The following CYP3A4 variants were observed in gnomAD, a reference collection of about 807,000 sequenced individuals.
CYP3A4 encodes the protein cytochrome P450 3A4.
Under a neutral mutation model 54.9 loss-of-function variants are expected in CYP3A4, and 41 were observed. The ratio of observed to expected loss-of-function variants is 0.75; its 90% CI spans 0.58 to 0.97. The LOEUF is 0.97. Among genes scored for constraint, CYP3A4 ranks in the 50% least tolerant of loss-of-function variants. The pLI, the probability that CYP3A4 is intolerant of heterozygous loss-of-function variation, is 0.00. For synonymous variants in CYP3A4, 179 were observed against 205.2 expected (o/e 0.87, Z 1.09); for missense variants, 510 against 597.3 (o/e 0.85, Z 1.52).
intron 12 of CYP3A4, 95 bp from the exon 13 acceptor site, chr7:99,758,323 G>T: frequency 1.5e-6 from 2 of 1,372,828 alleles, no homozygotes; most frequent in Non-Finnish European, 1.0e-6. Flanking sequence ...CAGTGTTGAG[G>T]GGACACAACA....
At chr7:99,780,176 A>T (rs1815883299) in intron 1 of CYP3A4, 91 bp from the exon 2 acceptor site, 15 of 1,307,260 alleles carry the variant, frequency 1.1e-5, no homozygotes, top group Admixed American at 1.1e-4. Context: ...TGGAATGCTC[A>T]AGAGAACGAG....
Position 99,762,369 on chromosome 7 carries a change from T to C in CYP3A4, c.1027-102A>G. 3 of 1,419,304 alleles carry C rather than the reference T, an allele frequency of 2.1e-6. No homozygotes were observed. The South Asian group carries it at 3.8e-5, about 18-fold the overall frequency. 87.9% of individuals were successfully genotyped at this position (1,419,304 alleles called of 1,614,324 possible). ...AGTATTAGGAGCTCCAGAGACTAAC[T>C]CATACTGGTAAAGGATCGAAGCATT... On this transcript the variant is annotated intron_variant, in intron 10 of 12. Transcript: ENST00000651514.
At chr7:99,774,150 T>G (rs1433253018) in intron 3 of CYP3A4, among the ~76,000 whole-genome samples, 1 of 152,028 alleles carries the variant, frequency 6.6e-6, no homozygotes, top group Non-Finnish European at 1.5e-5. Context: ...CAGGAAGAAG[T>G]TGAATCTCTG....
At chr7:99,778,214 C>A in intron 2 of CYP3A4, 134 bp from the exon 3 acceptor site, 1 of 658,152 alleles carries the variant, frequency 1.5e-6, no homozygotes, top group Non-Finnish European at 2.6e-6. Context: ...TTGGAGACGT[C>A]ATAAAGGAAA....
At chr7:99,767,103 T>G (rs1260942893) in intron 8 of CYP3A4, 28 bp downstream of exon 8, 2 of 1,598,702 alleles carry the variant, frequency 1.3e-6, no homozygotes, top group Non-Finnish European at 1.7e-6. Context: ...AAACTAAACA[T>G]CCTCCTATAA....
At chr7:99,776,790 A>G (rs1438366719) in intron 3 of CYP3A4, among the ~76,000 whole-genome samples, 7 of 152,224 alleles carry the variant, frequency 4.6e-5, no homozygotes. Context: ...GTGTATACCT[A>G]TGTAACAAAA....
chr7:99,763,690 C>T (rs1429235438), intron 10 of CYP3A4, among the ~76,000 whole-genome samples, 165 bp downstream of exon 10: 1 of 152,204 alleles, frequency 6.6e-6, no homozygotes, highest in Non-Finnish European at 1.5e-5. Context: ...CCAGTAGCAA[C>T]CATTTGCTAT....
At chr7:99,772,497 G>A in intron 4 of CYP3A4, 93 bp downstream of exon 4, 1 of 1,532,528 alleles carries the variant, frequency 6.5e-7, no homozygotes, top group South Asian at 1.2e-5. Flanking sequence ...AACCTTCCTG[G>A]ACATTTTTTA....
intron 3 of CYP3A4, among the ~76,000 whole-genome samples, chr7:99,776,944 C>A (rs1322356770): frequency 6.6e-6 from 1 of 152,076 alleles, no homozygotes. Flanking sequence ...AAGGTATAGA[C>A]AAAGAAATGC....
At chr7:99,765,466 A>ATAGATGATAG (rs1815452474) in intron 9 of CYP3A4, among the ~76,000 whole-genome samples, 1 of 145,862 alleles carries the variant, frequency 6.9e-6, no homozygotes, top group Non-Finnish European at 1.5e-5. Context: ...TGATAGATGG[A>ATAGATGATAG]TAGATGATAG....
intron 4 of CYP3A4, 94 bp downstream of exon 4, chr7:99,772,496 G>A (rs1315431413): frequency 3.3e-6 from 5 of 1,523,474 alleles, no homozygotes; most frequent in Non-Finnish European, 4.5e-6. Context: ...GAACCTTCCT[G>A]GACATTTTTT....
chr7:99,760,750 T>TA (rs1815298078), intron 12 of CYP3A4, 69 bp downstream of exon 12: 2 of 1,558,722 alleles, frequency 1.3e-6, no homozygotes, highest in African/African-American at 1.4e-5. Flanking sequence ...ATATTCTTTT[T>TA]AAAAAATACA....
intron 9 of CYP3A4, among the ~76,000 whole-genome samples, chr7:99,764,490 C>T (rs1022179451): frequency 6.6e-6 from 1 of 152,178 alleles, no homozygotes; most frequent in African/African-American, 2.4e-5. Flanking sequence ...AATCAAAGGA[C>T]GTTTCCCGAA....
At position 99,758,145 on chromosome 7, in the gene CYP3A4, T is replaced by C. The variant is rs1352540305; in HGVS notation, c.1500A>G (p.Val500=). The change falls in exon 13 of 13, where the codon GTA becomes GTG. Residue 500 remains valine (V), a synonymous_variant. Transcript: ENST00000651514. The part of the protein sequence containing the change: ...VLKVESRDGT[V]SGA Reference sequence around the variant, plus strand: ...TCCTTAGGAAAATTCAGGCTCCACTTACGGTGCCATCCCTTGACTCAACCT... The same window carrying C: ...TCCTTAGGAAAATTCAGGCTCCACTCACGGTGCCATCCCTTGACTCAACCT... 1.2e-6 allele frequency: 2 copies of C among 1,613,952 alleles called. No homozygotes were observed. Among genetic ancestry groups the C allele is most frequent in the Admixed American group, 1.7e-5 (1 of 60,024 alleles).
rs576779576 is a variant in CYP3A4 at position 99,776,863 on chromosome 7, A to G, written c.218+1165T>C. ...TAATTTAAAAAACTAAAAATAAAAA[A>G]TAAAATAAAATCACAGTCCATCAGC... On this transcript the variant is annotated intron_variant, in intron 3 of 12. Coordinates refer to ENST00000651514, the MANE Select transcript of CYP3A4 (RefSeq NM_017460.6). Among the ~76,000 whole-genome samples the G allele has an allele frequency of 1.3e-4, 20 of 152,218 alleles. No homozygotes were observed. In the East Asian group the frequency reaches 3.5e-3, roughly 26 times the overall value.
rs1179210238 is a variant in CYP3A4 at position 99,757,550 on chromosome 7, T to C, written c.*583A>G. ...GTGGATTAACTTTCACCTATGTTAA[T>C]AATCAAATTCTAGTTCTGACAAAGG... On this transcript the variant is annotated 3_prime_UTR_variant, in exon 13 of 13. Coordinates refer to ENST00000651514, the MANE Select transcript of CYP3A4 (RefSeq NM_017460.6). 2 of 153,200 alleles carry C rather than the reference T, an allele frequency of 1.3e-5. No homozygotes were observed. Among genetic ancestry groups the C allele is most frequent in the African/African-American group, 2.4e-5 (1 of 41,480 alleles). The allele number at this position is 153,200 out of a possible 1,614,324, so 9.5% of individuals were successfully genotyped here. A position where few individuals can be genotyped will look rare whatever the true frequency, so the allele number is the denominator to read the frequency against.
chr7:99,766,572 G>T, intron 8 of CYP3A4, 129 bp from the exon 9 acceptor site: 1 of 1,121,484 alleles, frequency 8.9e-7, no homozygotes, highest in Non-Finnish European at 1.3e-6. Flanking sequence ...GATGCATGTT[G>T]CCTGAATCAC....
At chr7:99,779,514 C>A (rs1341413610) in intron 2 of CYP3A4, among the ~76,000 whole-genome samples, 1 of 152,048 alleles carries the variant, frequency 6.6e-6, no homozygotes, top group Non-Finnish European at 1.5e-5. Flanking sequence ...AATACCTGGG[C>A]TCCCTAATAA....
Position 99,767,165 on chromosome 7 carries a change from C to G in CYP3A4, c.764G>C (p.Arg255Thr), listed in dbSNP as rs755204879. ...VTNFLRKSVK[R>T]MKESRLEDTQ... ...ATCTTCGAGGCGACTTTCTTTCATCCTTTTTACAGATTTTCTTAAAAAATT... is the reference window on the plus strand; with the variant it reads ...ATCTTCGAGGCGACTTTCTTTCATCGTTTTTACAGATTTTCTTAAAAAATT... Residue 255 changes from arginine (R) to threonine (T), a missense_variant, in exon 8 of 13, where the codon AGG becomes ACG. Physicochemically the swap from Arg to Thr is moderately conservative, Grantham distance 71 (BLOSUM62 -1). Around this residue, in one of 2 missense-constraint regions of CYP3A4, gnomAD observed 238 missense variants for 322.5 expected, o/e 0.74. Coordinates refer to ENST00000651514, the MANE Select transcript of CYP3A4 (RefSeq NM_017460.6). 1 of 1,611,924 alleles carries G rather than the reference C, an allele frequency of 6.2e-7. No homozygotes were observed.
Sources: allele counts gnomAD v4.1 joint callset (sites outside exome capture counted in the v4.1 genomes callset), GRCh38; gene constraint gnomAD v4.1.1; regional missense constraint gnomAD v4.1.1; transcripts MANE v1.5; gene names NCBI Gene and HGNC (gene_info 2026-07-23, HGNC 2026-07-21).